CDIN1: variants seen among roughly 807,000 people sequenced by gnomAD.
CDIN1 encodes CDAN1-interacting nuclease 1.
A neutral mutation model predicts 45.3 loss-of-function variants in CDIN1; 33 were observed. The ratio of observed to expected loss-of-function variants is 0.73; its 90% CI spans 0.55 to 0.97. CDIN1 has a LOEUF of 0.97. Ranked by LOEUF, CDIN1 falls within the 50% of genes least tolerant of loss-of-function variation. CDIN1 has a pLI of 0.00. For synonymous variants in CDIN1, 118 were observed against 124.4 expected (o/e 0.95, Z 0.34); for missense variants, 303 against 339.4 (o/e 0.89, Z 0.84).
At chr15:36,707,201 A>G (rs1041500456) in intron 8 of CDIN1, 4 of 152,202 alleles carry the variant, frequency 2.6e-5, no homozygotes, top group Admixed American at 6.6e-5. Flanking sequence ...CTAGAAGTCT[A>G]ATATCACCAA....
chr15:36,698,907 C>T (rs1457890512), intron 8 of CDIN1, among the ~76,000 whole-genome samples: 2 of 152,176 alleles, frequency 1.3e-5, no homozygotes, highest in Non-Finnish European at 2.9e-5. Flanking sequence ...TAGTCCTCAA[C>T]TTACTTGAAC....
At chr15:36,774,161 TGTGCGC>T (rs1555407072) in intron 10 of CDIN1, among the ~76,000 whole-genome samples, 8 of 50,700 alleles carry the variant, frequency 1.6e-4, no homozygotes, top group Middle Eastern at 0.018. Flanking sequence ...TGTGTGTGTG[TGTGCGC>T]GCGCGCGCAT....
intron 10 of CDIN1, among the ~76,000 whole-genome samples, chr15:36,711,837 A>G (rs370807554): frequency 1.3e-5 from 2 of 152,174 alleles, no homozygotes; most frequent in African/African-American, 4.8e-5. Flanking sequence ...TTTAGTGCCC[A>G]GGTTTGAAAT....
chr15:36,703,333 AGATC>A (rs1488451605), intron 8 of CDIN1, among the ~76,000 whole-genome samples: 45 of 121,258 alleles, frequency 3.7e-4, no homozygotes, highest in Admixed American at 4.9e-4. Flanking sequence ...TATATCAGAT[AGATC>A]TATCAGATAT....
rs16963700 is a variant in CDIN1 at position 36,617,399 on chromosome 15, A to G, written c.102-26879A>G. On this transcript the variant is annotated intron_variant, in intron 1 of 10. Transcript: ENST00000566621. ...CCAGAAGATCTGAGTTACCAAATAT[A>G]TGATGTTTCTGGAGAAAGCAATTCA... 1.7e-3 allele frequency: 2,618 copies of G among 1,502,066 alleles called. 36 individuals are homozygous for G. The African/African-American group carries it at 0.03, about 17-fold the overall frequency. 93.0% of individuals were successfully genotyped at this position (1,502,066 alleles called of 1,614,324 possible).
intron 1 of CDIN1, among the ~76,000 whole-genome samples, chr15:36,600,078 C>A (rs2038024788): frequency 1.3e-5 from 2 of 152,158 alleles, no homozygotes; most frequent in South Asian, 4.1e-4. Flanking sequence ...TATAAAGCTC[C>A]CACTGTTGTG....
intron 3 of CDIN1, among the ~76,000 whole-genome samples, chr15:36,652,352 A>G (rs2040605585): frequency 6.6e-6 from 1 of 152,156 alleles, no homozygotes; most frequent in Non-Finnish European, 1.5e-5. Context: ...TGAAGTAGAA[A>G]GCTGTAAAGA....
intron 10 of CDIN1, among the ~76,000 whole-genome samples, chr15:36,735,284 T>G (rs990508920): frequency 7.9e-5 from 12 of 152,252 alleles, no homozygotes; most frequent in Non-Finnish European, 1.8e-4. Flanking sequence ...ACCTCATCTC[T>G]TAATTAAAGC....
chr15:36,675,002 T>C (rs1453720807), intron 5 of CDIN1, among the ~76,000 whole-genome samples: 3 of 152,032 alleles, frequency 2.0e-5, no homozygotes, highest in Non-Finnish European at 2.9e-5. Context: ...TGACAGTACT[T>C]TGTTCTCACA....
intron 4 of CDIN1, among the ~76,000 whole-genome samples, chr15:36,657,571 A>C (rs914864162): frequency 6.6e-6 from 1 of 152,158 alleles, no homozygotes; most frequent in Admixed American, 6.5e-5. Context: ...GTTTTAGACG[A>C]ATGCTTTTTC....
chr15:36,721,093 T>C (rs1371634182), intron 10 of CDIN1, among the ~76,000 whole-genome samples: 1 of 91,692 alleles, frequency 1.1e-5, no homozygotes, highest in East Asian at 3.7e-4. Flanking sequence ...GAAATGTCTG[T>C]TCATATCCTT....
intron 5 of CDIN1, among the ~76,000 whole-genome samples, chr15:36,670,731 TTTTAATCTTGG>T: frequency 6.6e-6 from 1 of 152,136 alleles, no homozygotes; most frequent in South Asian, 2.1e-4. Flanking sequence ...TTATTTCTTG[TTTTAATCTTGG>T]TTTTCTGCCT....
chr15:36,785,151 T>C (rs1166886490), intron 10 of CDIN1, among the ~76,000 whole-genome samples: 1 of 152,224 alleles, frequency 6.6e-6, no homozygotes, highest in East Asian at 1.9e-4. Flanking sequence ...GATTCACATT[T>C]ACATGGAGGA....
chr15:36,771,873 AGC>A (rs2054086897), intron 10 of CDIN1, among the ~76,000 whole-genome samples: 2 of 150,676 alleles, frequency 1.3e-5, no homozygotes, highest in African/African-American at 4.9e-5. Flanking sequence ...GGTTGCAGTG[AGC>A]AGAGATGGCG....
chr15:36,727,690 T>C (rs1284840634), intron 10 of CDIN1, among the ~76,000 whole-genome samples: 1 of 152,184 alleles, frequency 6.6e-6, no homozygotes, highest in African/African-American at 2.4e-5. Flanking sequence ...AGGCATCCAG[T>C]AAATTTTTCA....
chr15:36,787,272 T>C (rs1440203696), intron 10 of CDIN1, among the ~76,000 whole-genome samples: 1 of 152,138 alleles, frequency 6.6e-6, no homozygotes, highest in Non-Finnish European at 1.5e-5. Flanking sequence ...CTTATATCCT[T>C]CTTCTCATCC....
chr15:36,713,723 G>A (rs1047520883), intron 10 of CDIN1, among the ~76,000 whole-genome samples: 10 of 152,152 alleles, frequency 6.6e-5, no homozygotes, highest in South Asian at 4.2e-4. Context: ...GAAGTCTTCC[G>A]ACTAGACATT....
chr15:36,581,536 C>A (rs1237681414), intron 1 of CDIN1, among the ~76,000 whole-genome samples: 3 of 152,180 alleles, frequency 2.0e-5, no homozygotes, highest in Non-Finnish European at 4.4e-5. Flanking sequence ...CCACAGGAAA[C>A]TTTATTTAGA....
At chr15:36,656,386 A>G (rs2040784549) in intron 4 of CDIN1, among the ~76,000 whole-genome samples, 1 of 152,128 alleles carries the variant, frequency 6.6e-6, no homozygotes, top group Admixed American at 6.5e-5. Flanking sequence ...GTATGTGGTC[A>G]TCATTGATTT....
Sources: allele counts gnomAD v4.1 joint callset (sites outside exome capture counted in the v4.1 genomes callset), GRCh38; gene constraint gnomAD v4.1.1; transcripts MANE v1.5; gene names NCBI Gene and HGNC (gene_info 2026-07-23, HGNC 2026-07-21).